IL7: variants seen among roughly 807,000 people sequenced by gnomAD.
IL7 encodes interleukin-7.
Under a neutral mutation model 21.6 loss-of-function variants are expected in IL7, and 3 were observed. The observed-to-expected ratio is 0.14, with a 90% CI of 0.06 to 0.36. The LOEUF is 0.36. IL7 is among the 10% of genes least tolerant of loss of function. The pLI, the probability that IL7 is intolerant of heterozygous loss-of-function variation, is 1.00. For missense variants in IL7, 175 were observed against 200.2 expected (o/e 0.87, Z 0.76); for synonymous variants, 62 against 68.1 (o/e 0.91, Z 0.44).
intron 4 of IL7, among the ~76,000 whole-genome samples, chr8:78,678,189 A>G (rs781103285): frequency 1.5e-4 from 23 of 152,108 alleles, no homozygotes; most frequent in East Asian, 1.9e-4. Context: ...TGCCTTAACT[A>G]TCTGGGAATG....
intron 2 of IL7, among the ~76,000 whole-genome samples, chr8:78,769,164 G>A (rs1302297142): frequency 6.6e-6 from 1 of 151,680 alleles, no homozygotes; most frequent in African/African-American, 2.4e-5. Context: ...ATTCAACACA[G>A]TGTTGGAAGT....
intron 2 of IL7, chr8:78,760,176 G>C: frequency 6.6e-7 from 1 of 1,525,784 alleles, no homozygotes; most frequent in Middle Eastern, 2.5e-4. Context: ...ATTATCTGTA[G>C]GAAGCTCTGA....
At chr8:78,697,421 A>C (rs769129669) in intron 3 of IL7, 1 of 1,599,764 alleles carries the variant, frequency 6.3e-7, no homozygotes, top group African/African-American at 1.4e-5. Context: ...AGCCACCCGC[A>C]CTTAAAAAGT....
At chr8:78,679,266 A>G (rs1809685789) in intron 4 of IL7, 1 of 152,104 alleles carries the variant, frequency 6.6e-6, no homozygotes, top group African/African-American at 2.4e-5. Flanking sequence ...TCTCCTTAAT[A>G]TCTGTTATAT....
At chr8:78,731,153 CAAAGA>C (rs1811417453), downstream of IL7, among the ~76,000 whole-genome samples, 1 of 151,894 alleles carries the variant, frequency 6.6e-6, no homozygotes, top group South Asian at 2.1e-4. Context: ...TGGCCTAAAG[CAAAGA>C]AACTTTTCTA....
At chr8:78,761,490 T>C in intron 2 of IL7, 2 of 1,611,708 alleles carry the variant, frequency 1.2e-6, no homozygotes, top group Non-Finnish European at 1.7e-6. Context: ...TCAGTTATCA[T>C]AGTGTGAAAT....
chr8:78,760,980 T>C (rs1812535157), intron 2 of IL7: 3 of 1,591,882 alleles, frequency 1.9e-6, no homozygotes, highest in African/African-American at 1.4e-5. Context: ...AGAACAACAA[T>C]AGTAACAATG....
chr8:78,762,093 T>TGA lies in IL7; in HGVS notation c.148-22013_148-22012dup, dbSNP rs1199071072. On this transcript the variant is annotated intron_variant, in intron 2 of 5. Transcript: ENST00000263851. ...TCAATTTTTTTCTGTTTCAGTGTCC[T>TGA]GATTTCATCTTCACTCAGTTCTTTT... 4 of 1,599,470 alleles carry TGA rather than the reference T, an allele frequency of 2.5e-6. No individual in the cohort carries two copies. In the Admixed American group the frequency reaches 6.7e-5, roughly 27 times the overall value.
At chr8:78,761,930 A>C (rs1279931714) in intron 2 of IL7, 2 of 1,611,274 alleles carry the variant, frequency 1.2e-6, no homozygotes, top group Non-Finnish European at 1.7e-6. Context: ...TAGATATTTG[A>C]GGTATTCTTT....
At chr8:78,685,805 T>C (rs1341923470) in intron 4 of IL7, 2 of 152,134 alleles carry the variant, frequency 1.3e-5, no homozygotes, top group Non-Finnish European at 1.5e-5. Flanking sequence ...AACAGGGAAA[T>C]ACACTGTGTT....
At chr8:78,746,128 AG>A (rs1563417860) in intron 2 of IL7, among the ~76,000 whole-genome samples, 1 of 152,350 alleles carries the variant, frequency 6.6e-6, no homozygotes, top group East Asian at 1.9e-4. Flanking sequence ...GCCATTATTT[AG>A]CCTACTATAG....
intron 2 of IL7, among the ~76,000 whole-genome samples, chr8:78,766,363 TA>T: frequency 6.6e-6 from 1 of 152,236 alleles, no homozygotes; most frequent in South Asian, 2.1e-4. Flanking sequence ...TTGATCATAA[TA>T]AATGTACCAC....
chr8:78,705,786 G>C (rs1810754541), intron 3 of IL7, among the ~76,000 whole-genome samples: 1 of 152,142 alleles, frequency 6.6e-6, no homozygotes, highest in Non-Finnish European at 1.5e-5. Context: ...GGGCTGGCTG[G>C]AGGTCCCAGT....
chr8:78,727,586 C>G (rs1811360032), intron 3 of IL7, among the ~76,000 whole-genome samples: 2 of 151,958 alleles, frequency 1.3e-5, no homozygotes, highest in African/African-American at 4.8e-5. Context: ...CTCTTTATGA[C>G]TATTAATTTA....
chr8:78,713,758 G>A (rs1352218918), downstream of IL7, among the ~76,000 whole-genome samples: 1 of 152,164 alleles, frequency 6.6e-6, no homozygotes, highest in Non-Finnish European at 1.5e-5. Flanking sequence ...TATGAGTTCT[G>A]TAATACAGCC....
At chr8:78,686,727 T>G in intron 3 of IL7, 1 of 1,126,426 alleles carries the variant, frequency 8.9e-7, no homozygotes, top group South Asian at 3.9e-5. Context: ...GGCATAATCT[T>G]TAAAATTTGG....
chr8:78,678,246 T>C (rs1046220548), intron 4 of IL7, among the ~76,000 whole-genome samples: 13 of 152,154 alleles, frequency 8.5e-5, no homozygotes, highest in African/African-American at 3.1e-4. Flanking sequence ...CTGTTTAAGA[T>C]GGAGTTGTTC....
intron 2 of IL7, among the ~76,000 whole-genome samples, chr8:78,793,463 G>A (rs1410134553): frequency 6.6e-6 from 1 of 152,062 alleles, no homozygotes; most frequent in Non-Finnish European, 1.5e-5. Flanking sequence ...ACACTATACT[G>A]TAGTCTATTA....
intron 4 of IL7, among the ~76,000 whole-genome samples, chr8:78,681,579 G>A (rs370941687): frequency 7.9e-5 from 12 of 152,178 alleles, no homozygotes; most frequent in East Asian, 7.7e-4. Flanking sequence ...AAGTTGTTTC[G>A]TTGTTTTCTA....
Sources: allele counts gnomAD v4.1 joint callset (sites outside exome capture counted in the v4.1 genomes callset), GRCh38; gene constraint gnomAD v4.1.1; transcripts MANE v1.5; gene names NCBI Gene and HGNC (gene_info 2026-07-23, HGNC 2026-07-21).